Variants in CNTN6 observed in about 807,000 individuals in gnomAD.
The protein encoded by CNTN6 is contactin 6, also known as contactin-6.
CNTN6 carries 137 observed loss-of-function variants against 122.8 expected under a neutral mutation model. The observed-to-expected ratio is 1.12, with a 90% CI of 0.97 to 1.29. The LOEUF is 1.29. Ranked by LOEUF, CNTN6 falls within the 50% of genes most tolerant of loss-of-function variation. CNTN6 has a pLI of 0.00. For missense variants in CNTN6, 1,634 were observed against 1,223.4 expected, an observed-to-expected ratio of 1.34 and a Z score of -5.01; for synonymous variants, 570 against 426.0, an observed-to-expected ratio of 1.34 and a Z score of -4.16.
rs200185180 is a variant in CNTN6, at chr3:1,358,631, A to G, written c.1492+6180A>G. On this transcript the variant is annotated intron_variant, in intron 12 of 22. Coordinates refer to ENST00000446702, the MANE Select transcript of CNTN6 (RefSeq NM_001289080.2). ...GCGTGGAAGGGGAAAAAATAATCAC[A>G]TGAATCAAACTTAGCCTTATCCTCT... Among the ~76,000 whole-genome samples the G allele has an allele frequency of 3.3e-5, 5 of 152,018 alleles. No homozygotes were observed. In the East Asian group the frequency reaches 9.7e-4, roughly 29 times the overall value.
intron 6 of CNTN6, among the ~76,000 whole-genome samples, chr3:1,296,575 G>A (rs1353825): frequency 0.22 from 33,730 of 151,996 alleles, 3,881 homozygotes; most frequent in Non-Finnish European, 0.26. Context: ...GCAATACCTC[G>A]TGGAGTTTTT....
intron 2 of CNTN6, among the ~76,000 whole-genome samples, chr3:1,212,527 A>G (rs1343984898): frequency 6.6e-6 from 1 of 151,178 alleles, no homozygotes; most frequent in African/African-American, 2.4e-5. Context: ...ATGTGTGTGT[A>G]TATATATACA....
chr3:1,280,625 C>T (rs1021841199), intron 5 of CNTN6, among the ~76,000 whole-genome samples: 4 of 151,704 alleles, frequency 2.6e-5, no homozygotes, highest in Non-Finnish European at 5.9e-5. Context: ...CAACCACACC[C>T]AGCTAATTTC....
intron 4 of CNTN6, among the ~76,000 whole-genome samples, chr3:1,277,086 T>G (rs74588646): frequency 0.023 from 3,511 of 152,260 alleles, 64 homozygotes; most frequent in Admixed American, 0.045. Flanking sequence ...CTGGGAAATG[T>G]GATCTCTGGT....
chr3:1,354,802 C>A (rs754883174), intron 12 of CNTN6, among the ~76,000 whole-genome samples: 1 of 151,354 alleles, frequency 6.6e-6, no homozygotes, highest in South Asian at 2.1e-4. Flanking sequence ...TCTTAGGACA[C>A]TTTGCAAAAA....
intron 2 of CNTN6, among the ~76,000 whole-genome samples, chr3:1,203,007 A>G (rs2093907472): frequency 6.6e-6 from 1 of 152,190 alleles, no homozygotes; most frequent in Admixed American, 6.5e-5. Flanking sequence ...AGAATAAGTG[A>G]TCATCCACTC....
intron 2 of CNTN6, among the ~76,000 whole-genome samples, chr3:1,162,025 C>T (rs1013345408): frequency 2.6e-5 from 4 of 151,860 alleles, no homozygotes; most frequent in African/African-American, 9.7e-5. Flanking sequence ...AATAGTTTAC[C>T]AGAAAACAGA....
Position 1,245,481 on chromosome 3 carries a change from A to G in CNTN6, c.358+17488A>G, listed in dbSNP as rs553928637. On this transcript the variant is annotated intron_variant, in intron 4 of 22. Coordinates refer to ENST00000446702, the MANE Select transcript of CNTN6 (RefSeq NM_001289080.2). ...ACGTTCTTATTCATATGTGGGAGCTAAGCTATGTGTACACAAAGCATAAGA... is the reference window on the plus strand; with the variant it reads ...ACGTTCTTATTCATATGTGGGAGCTGAGCTATGTGTACACAAAGCATAAGA... Among the ~76,000 whole-genome samples, 137 of 149,112 alleles carry G rather than the reference A, an allele frequency of 9.2e-4. 1 individual carries two copies. Among genetic ancestry groups the G allele is most frequent in the Middle Eastern group, 6.8e-3 (2 of 292 alleles).
chr3:1,310,062 C>T (rs1172979386), intron 7 of CNTN6, among the ~76,000 whole-genome samples: 1 of 151,830 alleles, frequency 6.6e-6, no homozygotes, highest in Non-Finnish European at 1.5e-5. Context: ...TCATTGCTGC[C>T]TGGGAACAAG....
intron 5 of CNTN6, among the ~76,000 whole-genome samples, chr3:1,279,594 A>G (rs565891064): frequency 6.6e-6 from 1 of 152,342 alleles, no homozygotes; most frequent in East Asian, 1.9e-4. Flanking sequence ...GCCAATATTC[A>G]AATCCAGGAA....
At chr3:1,350,956 T>C (rs1031118410) in intron 11 of CNTN6, among the ~76,000 whole-genome samples, 2 of 151,878 alleles carry the variant, frequency 1.3e-5, no homozygotes, top group African/African-American at 2.4e-5. Flanking sequence ...ATAATTCAAT[T>C]GTTAATGTAA....
chr3:1,275,722 T>C (rs1176415955), intron 4 of CNTN6, among the ~76,000 whole-genome samples: 1 of 152,024 alleles, frequency 6.6e-6, no homozygotes, highest in Non-Finnish European at 1.5e-5. Flanking sequence ...TCACAAGGAG[T>C]GTGCAACTTG....
chr3:1,204,442 C>T (rs1024164884), intron 2 of CNTN6, among the ~76,000 whole-genome samples: 5 of 152,086 alleles, frequency 3.3e-5, no homozygotes, highest in African/African-American at 1.2e-4. Context: ...TTAGTTGGTC[C>T]CTCAGCGTCA....
At chr3:1,101,425 G>A (rs927143047) in intron 1 of CNTN6, among the ~76,000 whole-genome samples, 25 of 152,248 alleles carry the variant, frequency 1.6e-4, no homozygotes, top group Admixed American at 3.3e-4. Flanking sequence ...TGTGTTTGTA[G>A]TGGAAAAGAA....
chr3:1,250,003 ATTG>A (rs1224447166), intron 4 of CNTN6, among the ~76,000 whole-genome samples: 1 of 151,912 alleles, frequency 6.6e-6, no homozygotes, highest in Non-Finnish European at 1.5e-5. Flanking sequence ...AAGCAATCCT[ATTG>A]TTTTTATTTA....
intron 4 of CNTN6, among the ~76,000 whole-genome samples, chr3:1,267,902 CCCTTGATGACACCACTGATGACA>C (rs2094952411): frequency 6.6e-6 from 1 of 150,544 alleles, no homozygotes; most frequent in African/African-American, 2.5e-5. Flanking sequence ...AAAAACACGT[CCCTTGATGACACCACTGATGACA>C]CCTTGATGAC....
chr3:1,259,455 T>G (rs913251968), intron 4 of CNTN6, among the ~76,000 whole-genome samples: 9 of 152,130 alleles, frequency 5.9e-5, no homozygotes, highest in Admixed American at 2.6e-4. Context: ...ACGTGTCACA[T>G]ATGTTTCAGC....
In CNTN6 at chr3:1,352,425, A is replaced by G; in HGVS notation, c.1466A>G (p.Lys489Arg). The G allele has an allele frequency of 6.2e-7, 1 of 1,610,014 alleles. No homozygotes were observed. Among genetic ancestry groups the G allele is most frequent in the Non-Finnish European group, 8.5e-7 (1 of 1,177,362 alleles). ...CIATNQFGTAKNTGSLIVKER... is the reference protein window; with the variant it reads ...CIATNQFGTARNTGSLIVKER... ...GCCACAAATCAGTTTGGCACTGCAA[A>G]GAACACTGGCAGCCTCATTGTAAAA... The change falls in exon 12 of 23, where the codon AAG becomes AGG. Residue 489 changes from lysine (K) to arginine (R), a missense_variant. By Grantham distance (26) the Lys-to-Arg change is conservative. Transcript: ENST00000446702.
intron 12 of CNTN6, among the ~76,000 whole-genome samples, chr3:1,357,997 G>T (rs1481978654): frequency 6.6e-6 from 1 of 151,556 alleles, no homozygotes; most frequent in African/African-American, 2.4e-5. Context: ...CCAACATCTA[G>T]AACTTTTTTT....
Sources: allele counts gnomAD v4.1 joint callset (sites outside exome capture counted in the v4.1 genomes callset), GRCh38; gene constraint gnomAD v4.1.1; transcripts MANE v1.5; gene names NCBI Gene and HGNC (gene_info 2026-07-23, HGNC 2026-07-21).